The following TRPM3 variants were observed in gnomAD, a reference collection of about 807,000 sequenced individuals.
The protein encoded by TRPM3 is transient receptor potential cation channel subfamily M member 3, also known as long transient receptor potential channel 3.
A neutral mutation model predicts 181.2 loss-of-function variants in TRPM3; 77 were observed. The observed-to-expected ratio is 0.42, with a 90% CI of 0.35 to 0.51. The LOEUF is 0.51. Among genes scored for constraint, TRPM3 ranks in the 20% least tolerant of loss-of-function variants. TRPM3 has a pLI of 0.01. For missense variants in TRPM3, 1,759 were observed against 2,196.7 expected (o/e 0.80, Z 3.98); for synonymous variants, 745 against 796.4 (o/e 0.94, Z 1.09).
chr9:70,544,247 A>G (rs549875144), intron 25 of TRPM3, among the ~76,000 whole-genome samples: 2 of 152,318 alleles, frequency 1.3e-5, no homozygotes, highest in East Asian at 3.9e-4. Context: ...TAAATTTGAC[A>G]CAAATTCTGG....
chr9:70,969,756 T>TATATATATATA, intron 1 of TRPM3, among the ~76,000 whole-genome samples: 1 of 126,624 alleles, frequency 7.9e-6, no homozygotes, highest in South Asian at 2.7e-4. Context: ...CTGAATGATT[T>TATATATATATA]TATATATATA....
chr9:71,435,358 T>G, intron 1 of TRPM3, among the ~76,000 whole-genome samples: 1 of 152,230 alleles, frequency 6.6e-6, no homozygotes, highest in Non-Finnish European at 1.5e-5. Flanking sequence ...TTTTCACATT[T>G]CTTTCTTCTA....
In TRPM3 at chr9:70,535,926, G is replaced by T; in HGVS notation, c.*27C>A. Reference sequence around the variant, plus strand: ...GAGAATTTTAGGGCTGGATTCTTGAGCCTTCTGTGGCGGATATTAAGAAGG... The same window carrying T: ...GAGAATTTTAGGGCTGGATTCTTGATCCTTCTGTGGCGGATATTAAGAAGG... On this transcript the variant is annotated 3_prime_UTR_variant, in exon 26 of 26. Coordinates refer to ENST00000677713, the MANE Select transcript of TRPM3 (RefSeq NM_001366145.2). 6.5e-7 allele frequency: 1 copy of T among 1,543,206 alleles called. No homozygotes were observed. The highest frequency in any genetic ancestry group is 8.7e-7 in the Non-Finnish European group (1 of 1,148,138).
At chr9:70,898,603 C>T (rs2096326597) in intron 1 of TRPM3, among the ~76,000 whole-genome samples, 1 of 150,188 alleles carries the variant, frequency 6.7e-6, no homozygotes, top group Non-Finnish European at 1.5e-5. Context: ...CAAAAATTAG[C>T]CAGGCATGTT....
At chr9:71,115,400 T>C (rs140090717) in intron 1 of TRPM3, among the ~76,000 whole-genome samples, 208 of 152,340 alleles carry the variant, frequency 1.4e-3, no homozygotes, top group African/African-American at 4.1e-3. Context: ...ATTTCATATA[T>C]CTTTCATGTG....
chr9:70,549,988 A>C lies in TRPM3; in HGVS notation c.3575-314T>G, dbSNP rs772669021. 4.5e-4 allele frequency among the ~76,000 whole-genome samples: 69 copies of C among 152,334 alleles called. No homozygotes were observed. The Middle Eastern group carries it at 0.014, about 30-fold the overall frequency. On this transcript the variant is annotated intron_variant, in intron 24 of 25. Transcript: ENST00000677713. ...AGGAAAGGGAAGCTATTCAGAGCCT[A>C]GAGTATCTTAAAAGCTCAAAAACTT... is the stretch of plus-strand genomic sequence containing the variant.
At chr9:70,822,723 T>C (rs1475311650) in intron 6 of TRPM3, among the ~76,000 whole-genome samples, 1 of 151,788 alleles carries the variant, frequency 6.6e-6, no homozygotes, top group Non-Finnish European at 1.5e-5. Flanking sequence ...GTTATGTATA[T>C]TTATTTTACC....
At chr9:71,056,952 G>A (rs1050654416) in intron 1 of TRPM3, among the ~76,000 whole-genome samples, 1 of 151,994 alleles carries the variant, frequency 6.6e-6, no homozygotes, top group African/African-American at 2.4e-5. Context: ...GACTAAGATG[G>A]ACAAAACAAT....
Position 70,693,843 on chromosome 9 carries a change from G to A in TRPM3, c.1273-12265C>T, listed in dbSNP as rs577719848. 1.1e-4 allele frequency among the ~76,000 whole-genome samples: 16 copies of A among 152,334 alleles called. No homozygotes were observed. In the East Asian group the frequency reaches 2.5e-3, roughly 24 times the overall value. Reference sequence around the variant, plus strand: ...GGGGCAACCCTGAATCAGAACCAGCGAAAGGGACCTTTGAGGGTACAAAAA... The same window carrying A: ...GGGGCAACCCTGAATCAGAACCAGCAAAAGGGACCTTTGAGGGTACAAAAA... On this transcript the variant is annotated intron_variant, in intron 8 of 25. Transcript: ENST00000677713.
intron 1 of TRPM3, among the ~76,000 whole-genome samples, chr9:71,252,188 A>G (rs1588140856): frequency 6.6e-6 from 1 of 152,276 alleles, no homozygotes; most frequent in South Asian, 2.1e-4. Context: ...CCAAAGGAAA[A>G]TTTAGATTGA....
At chr9:70,979,815 G>C (rs1245997737) in intron 1 of TRPM3, among the ~76,000 whole-genome samples, 1 of 152,114 alleles carries the variant, frequency 6.6e-6, no homozygotes, top group African/African-American at 2.4e-5. Flanking sequence ...TGTTTCTCAT[G>C]GGGGCTTCTC....
chr9:71,302,056 G>A (rs948194965), intron 1 of TRPM3, among the ~76,000 whole-genome samples: 2 of 151,850 alleles, frequency 1.3e-5, no homozygotes, highest in African/African-American at 2.4e-5. Flanking sequence ...GAATAATATA[G>A]CAAACTCCAA....
At chr9:71,096,026 C>T (rs1412571535) in intron 1 of TRPM3, among the ~76,000 whole-genome samples, 3 of 152,046 alleles carry the variant, frequency 2.0e-5, no homozygotes, top group Non-Finnish European at 2.9e-5. Context: ...TTGGCTTTAT[C>T]CATTTAAGGG....
chr9:71,214,931 G>A (rs7853947), intron 1 of TRPM3, among the ~76,000 whole-genome samples: 147,638 of 151,890 alleles, frequency 0.97, 71,833 homozygotes, highest in East Asian at 1. Flanking sequence ...AAATTCTGCT[G>A]TCATTTTGCA....
chr9:70,967,456 TTAGA>T (rs1326825738), intron 1 of TRPM3, among the ~76,000 whole-genome samples: 1 of 152,076 alleles, frequency 6.6e-6, no homozygotes, highest in Non-Finnish European at 1.5e-5. Flanking sequence ...AGAGATAAAG[TTAGA>T]TACATTTTCT....
At chr9:71,150,564 A>G (rs978328390) in intron 1 of TRPM3, among the ~76,000 whole-genome samples, 11 of 152,136 alleles carry the variant, frequency 7.2e-5, no homozygotes. Context: ...TACTATCGAA[A>G]CAGATCAAAA....
chr9:71,152,719 G>A (rs1003697364), intron 1 of TRPM3, among the ~76,000 whole-genome samples: 11 of 152,080 alleles, frequency 7.2e-5, no homozygotes, highest in Non-Finnish European at 1.5e-4. Flanking sequence ...AGTTGGATAC[G>A]TACTTAACCC....
intron 1 of TRPM3, among the ~76,000 whole-genome samples, chr9:71,436,226 C>CGCCTTGATTCTGAGGCCTCCT (rs2094032707): frequency 1.6e-5 from 2 of 124,740 alleles, no homozygotes; most frequent in Non-Finnish European, 3.4e-5. Context: ...TGAGGCCTCC[C>CGCCTTGATTCTGAGGCCTCCT]GCCTTGATTC....
chr9:71,402,085 T>G (rs921667833), intron 1 of TRPM3, among the ~76,000 whole-genome samples: 5 of 152,144 alleles, frequency 3.3e-5, no homozygotes, highest in African/African-American at 1.2e-4. Flanking sequence ...AAATGAACAT[T>G]CAAACAAACT....
Sources: gnomAD v4.1 joint callset for allele counts (sites outside exome capture counted in the v4.1 genomes callset) on GRCh38, gnomAD v4.1.1 for gene constraint, MANE v1.5 for transcripts, NCBI Gene and HGNC (gene_info 2026-07-23, HGNC 2026-07-21) for gene names.